Variants in SMCHD1 observed in about 807,000 individuals in gnomAD.
The protein encoded by SMCHD1 is structural maintenance of chromosomes flexible hinge domain-containing protein 1.
In SMCHD1, 78 loss-of-function variants were observed where a neutral mutation model predicts 254.7. The ratio of observed to expected loss-of-function variants is 0.31; its 90% CI spans 0.26 to 0.37. The LOEUF is 0.37. SMCHD1 is among the 10% of genes least tolerant of loss of function. The pLI, the probability that SMCHD1 is intolerant of heterozygous loss-of-function variation, is 1.00. For missense variants in SMCHD1, 1,840 were observed against 2,408.1 expected, an observed-to-expected ratio of 0.76 and a Z score of 4.94; for synonymous variants, 766 against 794.9, an observed-to-expected ratio of 0.96 and a Z score of 0.61.
chr18:2,703,844 A>C lies in SMCHD1; in HGVS notation c.1800A>C (p.Ala600=), dbSNP rs999705747. Residue 600 remains alanine (A), a synonymous_variant, in exon 13 of 48, where the codon GCA becomes GCC. Transcript: ENST00000320876. Reference sequence around the variant, plus strand: ...AGCAAGGTCCCTGGGCAACATATGCAGCAATAGAATGGGATGGAAAGATAT... The same window carrying C: ...AGCAAGGTCCCTGGGCAACATATGCCGCAATAGAATGGGATGGAAAGATAT... ...SKKQGPWATY[A]AIEWDGKIYK... 6.2e-7 allele frequency: 1 copy of C among 1,611,812 alleles called. No individual in the cohort carries two copies. The highest frequency in any genetic ancestry group is 8.5e-7 in the Non-Finnish European group (1 of 1,178,974).
At chr18:2,795,056 TTTTG>T (rs1439963541) in intron 45 of SMCHD1, among the ~76,000 whole-genome samples, 3 of 151,534 alleles carry the variant, frequency 2.0e-5, no homozygotes, top group African/African-American at 7.3e-5. Context: ...TTTTGTTTTG[TTTTG>T]TTTTTGTTTT....
chr18:2,767,582 TC>T (rs2075890699), intron 37 of SMCHD1, among the ~76,000 whole-genome samples: 1 of 119,064 alleles, frequency 8.4e-6, no homozygotes, highest in African/African-American at 3.1e-5. Context: ...ACAACCTATT[TC>T]CTTTTTTTTT....
chr18:2,708,399 C>T (rs890511532), intron 17 of SMCHD1, among the ~76,000 whole-genome samples: 2 of 151,890 alleles, frequency 1.3e-5, no homozygotes, highest in African/African-American at 2.4e-5. Flanking sequence ...CTTGGTGGCA[C>T]GAGCCTATAT....
chr18:2,734,653 T>TC lies in SMCHD1; in HGVS notation c.3276+2161_3276+2162insC, dbSNP rs1215307183. ...GGAACTCTTGCTTGCTTATTTTCCT[T>TC]TTTTTTTTTTAATACAATAAAGAAC... On this transcript the variant is annotated intron_variant, in intron 25 of 47. Coordinates refer to ENST00000320876, the MANE Select transcript of SMCHD1 (RefSeq NM_015295.3). Among the ~76,000 whole-genome samples the TC allele has an allele frequency of 1.3e-3, 201 of 150,302 alleles. 2 individuals carry two copies. Among genetic ancestry groups the TC allele is most frequent in the African/African-American group, 4.8e-3 (196 of 40,936 alleles).
At chr18:2,748,865 T>C (rs1014455749) in intron 30 of SMCHD1, among the ~76,000 whole-genome samples, 2 of 152,152 alleles carry the variant, frequency 1.3e-5, no homozygotes, top group East Asian at 3.9e-4. Flanking sequence ...CCAGTTGATA[T>C]CATGTAAAGA....
intron 7 of SMCHD1, 77 bp from the exon 8 acceptor site, chr18:2,694,450 A>G (rs889608364): frequency 8.1e-7 from 1 of 1,237,080 alleles, no homozygotes; most frequent in African/African-American, 1.5e-5. Context: ...AAATCACATT[A>G]AAATTTGATG....
chr18:2,794,212 C>A (rs993708105), intron 45 of SMCHD1, among the ~76,000 whole-genome samples: 1 of 152,118 alleles, frequency 6.6e-6, no homozygotes, highest in Non-Finnish European at 1.5e-5. Context: ...CCCAGCACTT[C>A]GGGAGCCCAA....
Position 2,775,718 on chromosome 18 carries a change from T to C in SMCHD1, c.5176-16T>C, listed in dbSNP as rs1308175489. 2 of 1,584,704 alleles carry C rather than the reference T, an allele frequency of 1.3e-6. No homozygotes were observed. The highest frequency in any genetic ancestry group is 8.6e-7 in the Non-Finnish European group (1 of 1,168,574). On this transcript the variant is annotated splice_polypyrimidine_tract_variant and intron_variant, in intron 41 of 47. Coordinates refer to ENST00000320876, the MANE Select transcript of SMCHD1 (RefSeq NM_015295.3). ...ATGGATTTTATATTTTTTTACTTTA[T>C]GAAAATGGGTTATAGATTGCACATC...
intron 17 of SMCHD1, among the ~76,000 whole-genome samples, chr18:2,712,584 A>T (rs1192143938): frequency 6.6e-6 from 1 of 152,184 alleles, no homozygotes; most frequent in Non-Finnish European, 1.5e-5. Context: ...CAGGAGTTGT[A>T]TGTGCAGATT....
At chr18:2,716,009 C>T (rs187930840) in intron 17 of SMCHD1, among the ~76,000 whole-genome samples, 2 of 152,162 alleles carry the variant, frequency 1.3e-5, no homozygotes, top group East Asian at 3.9e-4. Flanking sequence ...TCCTTTGTAT[C>T]CGTAGTAGTA....
chr18:2,768,688 C>CTAGTATAGTACTATATACTATACTAG (rs1397494475), intron 37 of SMCHD1, among the ~76,000 whole-genome samples: 1,946 of 116,104 alleles, frequency 0.017, 34 homozygotes, highest in Non-Finnish European at 0.025. Flanking sequence ...TACTATACTA[C>CTAGTATAGTACTATATACTATACTAG]TAGTATAGTA....
chr18:2,770,954 AT>A (rs1472813357), intron 39 of SMCHD1, among the ~76,000 whole-genome samples: 1 of 152,212 alleles, frequency 6.6e-6, no homozygotes, highest in Non-Finnish European at 1.5e-5. Flanking sequence ...AATGTTTCAT[AT>A]AATTGAAAGA....
In SMCHD1 at chr18:2,793,656, C is replaced by CAAAAAAA. The variant is rs1277905569; in HGVS notation, c.5720-2284_5720-2278dup. Among the ~76,000 whole-genome samples, 135 of 43,880 alleles carry CAAAAAAA rather than the reference C, an allele frequency of 3.1e-3. 7 individuals carry two copies. Among genetic ancestry groups the CAAAAAAA allele is most frequent in the African/African-American group, 4.8e-3 (50 of 10,476 alleles). The allele number at this position is 43,880 out of a possible 152,430, so 28.8% of individuals were successfully genotyped here. A position where few individuals can be genotyped will look rare whatever the true frequency, so the allele number is the denominator to read the frequency against. On this transcript the variant is annotated intron_variant, in intron 45 of 47. Coordinates refer to ENST00000320876, the MANE Select transcript of SMCHD1 (RefSeq NM_015295.3). Reference sequence around the variant, plus strand: ...CTCCAGCCTGGGCGAGACTCCGTCTCAAAAAAAAAAAAAAAGAAAGAAAAC... The same window carrying CAAAAAAA: ...CTCCAGCCTGGGCGAGACTCCGTCTCAAAAAAAAAAAAAAAAAAAAAAGAAAGAAAAC...
chr18:2,800,007 C>T (rs181709885), intron 47 of SMCHD1, among the ~76,000 whole-genome samples: 2 of 152,104 alleles, frequency 1.3e-5, no homozygotes, highest in Admixed American at 6.5e-5. Flanking sequence ...TTTGCGTTCA[C>T]GTTTGATTGA....
chr18:2,698,673 C>CT (rs1466605295), intron 10 of SMCHD1, among the ~76,000 whole-genome samples: 1 of 42,538 alleles, frequency 2.4e-5, no homozygotes, highest in African/African-American at 3.3e-5. Context: ...TGGCCCCCAC[C>CT]TTTTTTTCCC....
Position 2,711,341 on chromosome 18 carries a change from T to C in SMCHD1, c.2260+3421T>C, listed in dbSNP as rs73365827. On this transcript the variant is annotated intron_variant, in intron 17 of 47. Transcript: ENST00000320876. ...CTCAAACTCATGGCCTCAAATGACC[T>C]CTTGCCTCAGTCTCCCAAAGTGTTA... 4.9e-3 allele frequency among the ~76,000 whole-genome samples: 738 copies of C among 151,464 alleles called. 6 individuals are homozygous for C. Among genetic ancestry groups the C allele is most frequent in the African/African-American group, 0.017 (683 of 41,248 alleles).
intron 5 of SMCHD1, among the ~76,000 whole-genome samples, chr18:2,677,076 T>C (rs2073768673): frequency 6.6e-6 from 1 of 152,188 alleles, no homozygotes; most frequent in Non-Finnish European, 1.5e-5. Context: ...AGTTTTCTTG[T>C]AGAATGGTCC....
At position 2,796,079 on chromosome 18, in the gene SMCHD1, A is replaced by G; in HGVS notation, c.5850A>G (p.Lys1950=). ...AGCAAGAACTTGATGAACATGAGAAAAATCTCAAACTAATAGAGGAAAAAC... is the reference window on the plus strand; with the variant it reads ...AGCAAGAACTTGATGAACATGAGAAGAATCTCAAACTAATAGAGGAAAAAC... ...KKKQELDEHE[K]NLKLIEEKLG... Residue 1950 remains lysine (K), a synonymous_variant, in exon 46 of 48, where the codon AAA becomes AAG. Transcript: ENST00000320876. The G allele has an allele frequency of 6.4e-7, 1 of 1,572,936 alleles. No individual in the cohort carries two copies. Among genetic ancestry groups the G allele is most frequent in the East Asian group, 2.3e-5 (1 of 43,754 alleles).
chr18:2,689,292 G>A (rs1386246717), intron 7 of SMCHD1, among the ~76,000 whole-genome samples: 3 of 144,154 alleles, frequency 2.1e-5, no homozygotes, highest in Non-Finnish European at 3.0e-5. Flanking sequence ...ACCTCAGCTC[G>A]CTGCAACCTC....
Sources: gnomAD v4.1 joint callset for allele counts (sites outside exome capture counted in the v4.1 genomes callset) on GRCh38, gnomAD v4.1.1 for gene constraint, MANE v1.5 for transcripts, NCBI Gene and HGNC (gene_info 2026-07-23, HGNC 2026-07-21) for gene names.